Variants in HIVEP1 observed in about 807,000 individuals in gnomAD.
HIVEP1 encodes zinc finger protein 40.
In HIVEP1, 36 loss-of-function variants were observed where a neutral mutation model predicts 180.0. That is an observed-to-expected ratio of 0.20 (90% confidence interval 0.15 to 0.26). HIVEP1 has a LOEUF of 0.26. Ranked by LOEUF, HIVEP1 falls within the 10% of genes least tolerant of loss-of-function variation. The pLI, the probability that HIVEP1 is intolerant of heterozygous loss-of-function variation, is 1.00. For missense variants in HIVEP1, 3,143 were observed against 3,268.7 expected, an observed-to-expected ratio of 0.96 and a Z score of 0.94; for synonymous variants, 1,239 against 1,239.0, an observed-to-expected ratio of 1.00 and a Z score of 0.00.
chr6:12,034,244 T>C (rs1769136964), intron 2 of HIVEP1, among the ~76,000 whole-genome samples: 1 of 152,238 alleles, frequency 6.6e-6, no homozygotes, highest in African/African-American at 2.4e-5. Flanking sequence ...TAAACACTGA[T>C]ATAAATGTGT....
chr6:12,169,915 T>G (rs1251067057), downstream of HIVEP1, among the ~76,000 whole-genome samples: 1 of 152,010 alleles, frequency 6.6e-6, no homozygotes, highest in Non-Finnish European at 1.5e-5. Flanking sequence ...GGTCAGGAGA[T>G]AGAGACCATC....
chr6:12,090,710 A>C (rs1581662797), intron 3 of HIVEP1, among the ~76,000 whole-genome samples: 1 of 142,586 alleles, frequency 7.0e-6, no homozygotes, highest in East Asian at 2.0e-4. Context: ...CCATACTTTT[A>C]AAGTTTTCTT....
intron 3 of HIVEP1, among the ~76,000 whole-genome samples, chr6:12,092,919 G>A (rs531787837): frequency 6.6e-6 from 1 of 152,298 alleles, no homozygotes; most frequent in African/African-American, 2.4e-5. Flanking sequence ...CAAGCAAAGT[G>A]AGAAATCACC....
chr6:12,133,839 G>T (rs1421812854), intron 6 of HIVEP1, among the ~76,000 whole-genome samples: 4 of 152,184 alleles, frequency 2.6e-5, no homozygotes, highest in South Asian at 4.1e-4. Flanking sequence ...TTAGCCTGGC[G>T]CAGTGGCAGG....
chr6:12,084,311 T>C (rs528695273), intron 2 of HIVEP1, among the ~76,000 whole-genome samples: 242 of 152,266 alleles, frequency 1.6e-3, no homozygotes, highest in Middle Eastern at 3.4e-3. Flanking sequence ...GTTTGAAATA[T>C]TGCTAGTCTA....
intron 7 of HIVEP1, among the ~76,000 whole-genome samples, chr6:12,148,787 T>A (rs1028345884): frequency 6.6e-6 from 1 of 152,194 alleles, no homozygotes; most frequent in Non-Finnish European, 1.5e-5. Context: ...TCAGACACCT[T>A]TCATTATGTC....
Position 12,143,466 on chromosome 6 carries a change from A to G in HIVEP1, c.6487+7574A>G, listed in dbSNP as rs143547606. 7.1e-3 allele frequency among the ~76,000 whole-genome samples: 1,078 copies of G among 152,256 alleles called. 13 individuals carry two copies. Among genetic ancestry groups the G allele is most frequent in the African/African-American group, 0.025 (1,040 of 41,492 alleles). The stretch of plus-strand genomic sequence containing the variant: ...CAAAAGCTGGAAGCAGTCCCTTTGA[A>G]AAATGGCACAAGACAAGGATGCCCT... On this transcript the variant is annotated intron_variant, in intron 7 of 8. Transcript: ENST00000379388.
intron 6 of HIVEP1, 26 bp from the exon 7 acceptor site, chr6:12,135,765 C>G: frequency 6.9e-7 from 1 of 1,442,066 alleles, no homozygotes; most frequent in Non-Finnish European, 9.7e-7. Context: ...ACTACTTAAG[C>G]TTAGTAAACA....
chr6:12,121,520 T>G lies in HIVEP1; in HGVS notation c.1725T>G (p.Thr575=), dbSNP rs772044095. ...VHHVTVSPLR[T]DSPKAMDPKP... ...ATGTCACTGTGTCCCCCTTAAGAAC[T>G]GACAGTCCAAAGGCCATGGATCCCA... Residue 575 remains threonine, a synonymous_variant, in exon 4 of 9, where the codon ACT becomes ACG. Transcript: ENST00000379388. This position sits in a 1 kb window ranked among gnomAD's most constrained non-coding sequence, Gnocchi z 5.3. The G allele has an allele frequency of 5.6e-6, 9 of 1,614,038 alleles. No individual in the cohort carries two copies. In the African/African-American group the frequency reaches 9.3e-5, roughly 17 times the overall value.
intron 2 of HIVEP1, among the ~76,000 whole-genome samples, chr6:12,023,375 G>A (rs976702557): frequency 3.3e-5 from 5 of 152,106 alleles, no homozygotes; most frequent in African/African-American, 1.2e-4. Flanking sequence ...TTTAAGCATC[G>A]TTTTTCACAT....
At chr6:12,025,986 G>C (rs993870840) in intron 2 of HIVEP1, among the ~76,000 whole-genome samples, 1 of 151,630 alleles carries the variant, frequency 6.6e-6, no homozygotes, top group Non-Finnish European at 1.5e-5. Context: ...TTTGCAGTGA[G>C]CTAAGACCAC....
At chr6:12,011,252 G>A (rs1469724675), upstream of HIVEP1, among the ~76,000 whole-genome samples, 1 of 148,162 alleles carries the variant, frequency 6.7e-6, no homozygotes, top group African/African-American at 2.5e-5. Flanking sequence ...ACGCGTTGCT[G>A]AGGAAACCCC....
Position 12,124,410 on chromosome 6 carries a change from A to C in HIVEP1, c.4615A>C (p.Lys1539Gln). 6.2e-7 allele frequency: 1 copy of C among 1,614,128 alleles called. No homozygotes were observed. The highest frequency in any genetic ancestry group is 8.5e-7 in the Non-Finnish European group (1 of 1,179,998). The change falls in exon 4 of 9, where the codon AAG (lysine) becomes CAG (glutamine). Residue 1539 changes from lysine (K) to glutamine (Q), a missense_variant. Lys to Gln is a moderately conservative substitution (Grantham distance 53). Around this residue, in one of 12 missense-constraint regions of HIVEP1, gnomAD observed 1,357 missense variants for 1,260.5 expected, o/e 1.08. Coordinates refer to ENST00000379388, the MANE Select transcript of HIVEP1 (RefSeq NM_002114.4). ...LSLQVSTQGSKPDKNSVLSGS... is the reference protein window; with the variant it reads ...LSLQVSTQGSQPDKNSVLSGS... ...TCTGCAAGTGTCTACGCAGGGTAGC[A>C]AGCCAGATAAAAATTCTGTTTTATC...
At chr6:12,170,430 G>C in the HIVEP1 span, among the ~76,000 whole-genome samples, 4 of 152,118 alleles carry the variant, frequency 2.6e-5, no homozygotes, top group Non-Finnish European at 5.9e-5. Context: ...TATCCCTACG[G>C]CGTGCCATCT....
intron 7 of HIVEP1, among the ~76,000 whole-genome samples, chr6:12,159,841 C>G (rs1313197364): frequency 6.6e-6 from 1 of 152,192 alleles, no homozygotes; most frequent in Non-Finnish European, 1.5e-5. Flanking sequence ...ATAAAAGTAG[C>G]ACACGTTTGT....
intron 2 of HIVEP1, among the ~76,000 whole-genome samples, chr6:12,077,909 TTGTATC>T (rs1308312321): frequency 6.6e-6 from 1 of 152,188 alleles, no homozygotes; most frequent in Non-Finnish European, 1.5e-5. Context: ...ATGGATGTGT[TTGTATC>T]TGTAGTAATT....
chr6:12,192,828 A>G, the HIVEP1 span, among the ~76,000 whole-genome samples: 9 of 152,008 alleles, frequency 5.9e-5, no homozygotes, highest in Non-Finnish European at 1.0e-4. Flanking sequence ...GGAACATTTT[A>G]AGTTCTATTT....
chr6:12,201,379 AG>A, the HIVEP1 span, among the ~76,000 whole-genome samples: 1 of 152,328 alleles, frequency 6.6e-6, no homozygotes, highest in Admixed American at 6.5e-5. Flanking sequence ...TGGGAGGCTG[AG>A]GTGAGAGGAT....
intron 2 of HIVEP1, among the ~76,000 whole-genome samples, chr6:12,022,206 T>C (rs1768274264): frequency 6.6e-6 from 1 of 151,936 alleles, no homozygotes; most frequent in African/African-American, 2.4e-5. Context: ...AGTTTCACTC[T>C]GTCACCCAGG....
Sources: gnomAD v4.1 joint callset for allele counts (sites outside exome capture counted in the v4.1 genomes callset) on GRCh38, gnomAD v4.1.1 for gene constraint, gnomAD v4.1.1 regional missense constraint, Gnocchi (gnomAD v3.1) non-coding constraint, MANE v1.5 for transcripts, NCBI Gene and HGNC (gene_info 2026-07-23, HGNC 2026-07-21) for gene names.